Variants in PCDHGA1 observed in about 807,000 individuals in gnomAD.
PCDHGA1 encodes protocadherin gamma-A1.
In PCDHGA1, 32 loss-of-function variants were observed where a neutral mutation model predicts 58.0. That is an observed-to-expected ratio of 0.55 (90% CI 0.42 to 0.74). PCDHGA1 has a LOEUF of 0.74. Among genes scored for constraint, PCDHGA1 ranks in the 30% least tolerant of loss-of-function variants. PCDHGA1 has a pLI of 0.00. For synonymous variants in PCDHGA1, 498 were observed against 501.1 expected, an observed-to-expected ratio of 0.99 and a Z score of 0.08; for missense variants, 1,205 against 1,182.3, an observed-to-expected ratio of 1.02 and a Z score of -0.28.
chr5:141,367,062 T>C (rs1420841917), intron 1 of PCDHGA1: 1 of 308,254 alleles, frequency 3.2e-6, no homozygotes, highest in East Asian at 7.5e-5. Context: ...ATGTTTTATT[T>C]ATTCAAATTG....
chr5:141,361,259 ACT>A (rs1761949153), intron 1 of PCDHGA1: 5 of 1,613,700 alleles, frequency 3.1e-6, no homozygotes, highest in African/African-American at 2.7e-5. Context: ...AGAGACAGAG[ACT>A]CTGGAGAAAA....
chr5:141,404,133 T>C, intron 1 of PCDHGA1: 1 of 1,613,108 alleles, frequency 6.2e-7, no homozygotes, highest in Non-Finnish European at 8.5e-7. Flanking sequence ...TCTTTTACAT[T>C]AGAAAATTCA....
chr5:141,439,470 T>C (rs1357441747), intron 1 of PCDHGA1, among the ~76,000 whole-genome samples: 1 of 152,220 alleles, frequency 6.6e-6, no homozygotes, highest in African/African-American at 2.4e-5. Flanking sequence ...CTGCTGCCTT[T>C]CAGCTTGCAA....
intron 1 of PCDHGA1, among the ~76,000 whole-genome samples, chr5:141,470,598 G>A (rs2099234276): frequency 6.6e-6 from 1 of 152,184 alleles, no homozygotes; most frequent in Admixed American, 6.5e-5. Flanking sequence ...GGCGACCTGT[G>A]CGGGGACACA....
chr5:141,454,932 C>G (rs945154196), intron 1 of PCDHGA1, among the ~76,000 whole-genome samples: 7 of 150,770 alleles, frequency 4.6e-5, no homozygotes, highest in Non-Finnish European at 1.0e-4. Context: ...CTCAGCCTCC[C>G]GAGTAGCTGG....
At chr5:141,434,952 C>T (rs1362599956) in intron 1 of PCDHGA1, among the ~76,000 whole-genome samples, 2 of 151,756 alleles carry the variant, frequency 1.3e-5, no homozygotes, top group East Asian at 3.9e-4. Flanking sequence ...AATTTATTAA[C>T]AATTTATAAA....
At chr5:141,440,431 A>G (rs1338519888) in intron 1 of PCDHGA1, 1 of 152,222 alleles carries the variant, frequency 6.6e-6, no homozygotes, top group Non-Finnish European at 1.5e-5. Flanking sequence ...TGGGTGACAG[A>G]GCAAGGCGCC....
At chr5:141,483,584 T>C (rs2099583159) in intron 1 of PCDHGA1, among the ~76,000 whole-genome samples, 1 of 152,064 alleles carries the variant, frequency 6.6e-6, no homozygotes, top group African/African-American at 2.4e-5. Context: ...CATAAACACC[T>C]AATAGGTCAG....
Position 141,331,755 on chromosome 5 carries a change from A to G in PCDHGA1, c.1071A>G (p.Pro357=), listed in dbSNP as rs555930392. ...TCACCTCTGTCACCACTGCAGTTCC[A>G]GAAAACTTTCCTCCTGGGACCATAA... ...VTITSVTTAV[P]ENFPPGTIIA... The change falls in exon 1 of 4, where the codon CCA becomes CCG. Residue 357 remains proline, a synonymous_variant. Coordinates refer to ENST00000517417, the MANE Select transcript of PCDHGA1 (RefSeq NM_018912.3). The G allele has an allele frequency of 6.2e-7, 1 of 1,614,204 alleles. No individual in the cohort carries two copies. Among genetic ancestry groups the G allele is most frequent in the South Asian group, 1.1e-5 (1 of 91,086 alleles).
chr5:141,423,462 C>G, intron 1 of PCDHGA1: 1 of 1,613,924 alleles, frequency 6.2e-7, no homozygotes, highest in Non-Finnish European at 8.5e-7. Flanking sequence ...TAGGCGTGGA[C>G]GGGGTACAGG....
chr5:141,444,902 G>A (rs1442325957), intron 1 of PCDHGA1, among the ~76,000 whole-genome samples: 1 of 152,160 alleles, frequency 6.6e-6, no homozygotes, highest in Non-Finnish European at 1.5e-5. Context: ...GGATGGCATT[G>A]CATCTATACC....
At chr5:141,364,591 G>T (rs754833725) in intron 1 of PCDHGA1, 3 of 1,614,194 alleles carry the variant, frequency 1.9e-6, no homozygotes, top group South Asian at 1.1e-5. Context: ...TGGTCACCGC[G>T]GGCAGGATAG....
intron 1 of PCDHGA1, chr5:141,408,105 G>T (rs566753835): frequency 2.6e-5 from 37 of 1,439,788 alleles, no homozygotes; most frequent in Non-Finnish European, 3.2e-5. Flanking sequence ...TCCGAGACCC[G>T]GGACTCCTCC....
At chr5:141,333,429 T>A in intron 1 of PCDHGA1, 1 of 429,674 alleles carries the variant, frequency 2.3e-6, no homozygotes, top group Non-Finnish European at 3.9e-6. Flanking sequence ...GCCTCTGGGC[T>A]AAAAGGTTTG....
chr5:141,361,101 A>T (rs1561522618), intron 1 of PCDHGA1: 1 of 1,614,014 alleles, frequency 6.2e-7, no homozygotes, highest in Non-Finnish European at 8.5e-7. Context: ...TCGAAGCAAA[A>T]GATCCTGGAG....
At chr5:141,338,795 G>A (rs750169868) in intron 1 of PCDHGA1, 78 of 1,355,094 alleles carry the variant, frequency 5.8e-5, no homozygotes, top group Non-Finnish European at 7.4e-5. Flanking sequence ...ACAAGGGGGT[G>A]GAGGTTTGGC....
chr5:141,423,996 A>G (rs1164307988), intron 1 of PCDHGA1: 1 of 1,079,028 alleles, frequency 9.3e-7, no homozygotes, highest in African/African-American at 1.7e-5. Context: ...AATTTATTAT[A>G]TATAGATACA....
chr5:141,427,820 G>A (rs2097075272), intron 1 of PCDHGA1: 2 of 1,532,144 alleles, frequency 1.3e-6, no homozygotes, highest in East Asian at 4.5e-5. Flanking sequence ...GCGGGGTGGT[G>A]GTCGCGCAGC....
rs367926929 is a variant in PCDHGA1 at position 141,372,227 on chromosome 5, C to G, written c.2421+39122C>G. 4.8e-4 allele frequency: 778 copies of G among 1,613,442 alleles called. 3 individuals are homozygous for G. The African/African-American group carries it at 9.4e-3, about 19-fold the overall frequency. On this transcript the variant is annotated intron_variant, in intron 1 of 3. Coordinates refer to ENST00000517417, the MANE Select transcript of PCDHGA1 (RefSeq NM_018912.3). ...GGCTGTCCTACCACATTGTGCAGGC[C>G]AGCGAGCCCGGGCTGTTCAGCCTGG...
Sources: allele counts gnomAD v4.1 joint callset (sites outside exome capture counted in the v4.1 genomes callset), GRCh38; gene constraint gnomAD v4.1.1; transcripts MANE v1.5; gene names NCBI Gene and HGNC (gene_info 2026-07-23, HGNC 2026-07-21).